Variants in MBD5 observed in about 807,000 individuals in gnomAD.
MBD5 encodes methyl-CpG-binding domain protein 5.
A neutral mutation model predicts 117.3 loss-of-function variants in MBD5; 13 were observed. That is an observed-to-expected ratio of 0.11 (90% CI 0.07 to 0.18). The LOEUF (loss-of-function observed/expected upper bound fraction) is 0.18, where lower values mean the gene tolerates loss of function less well. MBD5 is among the 10% of genes least tolerant of loss of function. The pLI, the probability that MBD5 is intolerant of heterozygous loss-of-function variation, is 1.00. For missense variants in MBD5, 1,879 were observed against 2,093.8 expected (o/e 0.90, Z 2.00); for synonymous variants, 727 against 766.4 (o/e 0.95, Z 0.85).
At chr2:148,470,722 G>C in intron 8 of MBD5, 1 of 494,468 alleles carries the variant, frequency 2.0e-6, no homozygotes, top group Non-Finnish European at 3.5e-6. Context: ...ACTTTCACTT[G>C]GTTTTATAAC....
At chr2:148,102,719 CACACACACACAGAG>C (rs1366503979) in intron 1 of MBD5, among the ~76,000 whole-genome samples, 2 of 86,632 alleles carry the variant, frequency 2.3e-5, no homozygotes, top group African/African-American at 8.2e-5. Flanking sequence ...CACACACACA[CACACACACACAGAG>C]AGAGAGAGAG....
At chr2:148,224,525 T>A (rs1699770032) in intron 2 of MBD5, among the ~76,000 whole-genome samples, 1 of 138,886 alleles carries the variant, frequency 7.2e-6, no homozygotes, top group African/African-American at 2.7e-5. Flanking sequence ...TTTTTTTTTT[T>A]TTTTTTTTTT....
chr2:148,305,721 G>A (rs1701875551), intron 3 of MBD5, among the ~76,000 whole-genome samples: 1 of 152,190 alleles, frequency 6.6e-6, no homozygotes. Flanking sequence ...TGGGAAAATG[G>A]CAGTTTTAGT....
intron 3 of MBD5, among the ~76,000 whole-genome samples, chr2:148,317,037 A>G (rs963319296): frequency 9.9e-5 from 15 of 152,280 alleles, no homozygotes; most frequent in Admixed American, 5.9e-4. Context: ...AACCATGCTA[A>G]AAAGGAGATT....
At chr2:148,314,870 T>C (rs115604056) in intron 3 of MBD5, among the ~76,000 whole-genome samples, 1,873 of 152,250 alleles carry the variant, frequency 0.012, 42 homozygotes, top group African/African-American at 0.042. Context: ...ATATGGTTAT[T>C]TTAGGGATGG....
chr2:148,245,845 T>C (rs556401726), intron 3 of MBD5, among the ~76,000 whole-genome samples: 1 of 152,300 alleles, frequency 6.6e-6, no homozygotes, highest in African/African-American at 2.4e-5. Context: ...CATGAGACAT[T>C]AAGTAAACTA....
chr2:148,250,704 GT>G (rs1574194230), intron 3 of MBD5, among the ~76,000 whole-genome samples: 1 of 152,178 alleles, frequency 6.6e-6, no homozygotes, highest in Admixed American at 6.5e-5. Context: ...TTATACTATG[GT>G]GGTGCATTCA....
intron 4 of MBD5, among the ~76,000 whole-genome samples, chr2:148,390,191 G>A (rs1273550306): frequency 2.0e-5 from 3 of 151,950 alleles, no homozygotes; most frequent in Non-Finnish European, 4.4e-5. Flanking sequence ...CTTCCCTGTT[G>A]CATATTTTTG....
At chr2:148,229,747 T>G (rs1699935618) in intron 2 of MBD5, among the ~76,000 whole-genome samples, 1 of 152,170 alleles carries the variant, frequency 6.6e-6, no homozygotes, top group South Asian at 2.1e-4. Context: ...CTATAGTTCT[T>G]ACAGACTCAT....
chr2:148,150,071 T>C (rs1697601735), intron 1 of MBD5, among the ~76,000 whole-genome samples: 1 of 111,672 alleles, frequency 9.0e-6, no homozygotes, highest in Non-Finnish European at 1.9e-5. Flanking sequence ...TTGATGGTTT[T>C]AGGTCTAACA....
intron 11 of MBD5, among the ~76,000 whole-genome samples, chr2:148,499,619 T>G (rs17357225): frequency 0.026 from 4,001 of 152,320 alleles, 82 homozygotes; most frequent in South Asian, 0.038. Context: ...AGTTGCTCCT[T>G]TAGTGTAAGT....
At chr2:148,056,010 T>C (rs1694852869) in intron 1 of MBD5, 1 of 152,214 alleles carries the variant, frequency 6.6e-6, no homozygotes. Context: ...CTAATTATTA[T>C]AATTTAATTT....
At chr2:148,089,984 T>G (rs775063853) in intron 1 of MBD5, among the ~76,000 whole-genome samples, 1 of 151,916 alleles carries the variant, frequency 6.6e-6, no homozygotes, top group Non-Finnish European at 1.5e-5. Context: ...ATAAGCTCAA[T>G]TAGAAACAAA....
At chr2:148,096,039 C>CT (rs1279542869) in intron 1 of MBD5, among the ~76,000 whole-genome samples, 2 of 152,166 alleles carry the variant, frequency 1.3e-5, no homozygotes, top group East Asian at 3.8e-4. Context: ...CATTTTTCCA[C>CT]TTTCTTTTTC....
intron 4 of MBD5, among the ~76,000 whole-genome samples, chr2:148,374,493 ATTATAG>A (rs1385350701): frequency 3.3e-5 from 5 of 152,196 alleles, no homozygotes; most frequent in Non-Finnish European, 7.3e-5. Context: ...ACTTCCATAA[ATTATAG>A]TTAGTTAGCA....
At chr2:148,378,214 T>G (rs1321592481) in intron 4 of MBD5, among the ~76,000 whole-genome samples, 1 of 152,178 alleles carries the variant, frequency 6.6e-6, no homozygotes, top group East Asian at 1.9e-4. Context: ...AATGGTTTTA[T>G]ATATTAATCC....
At chr2:148,085,906 A>G (rs1695769990) in intron 1 of MBD5, among the ~76,000 whole-genome samples, 1 of 152,182 alleles carries the variant, frequency 6.6e-6, no homozygotes, top group Non-Finnish European at 1.5e-5. Context: ...TTTATTTATA[A>G]GAAAATTTAC....
intron 4 of MBD5, chr2:148,447,552 T>C (rs529565634): frequency 4.9e-4 from 75 of 152,260 alleles, no homozygotes; most frequent in Middle Eastern, 3.4e-3. Context: ...TATCTCAAGG[T>C]ACTTTCTATT....
At chr2:148,334,804 A>T (rs1013560604) in intron 3 of MBD5, among the ~76,000 whole-genome samples, 16 of 152,112 alleles carry the variant, frequency 1.1e-4, no homozygotes, top group African/African-American at 3.6e-4. Flanking sequence ...GTTGGATTTG[A>T]GGCAAATATC....
Sources: gnomAD v4.1 joint callset for allele counts (sites outside exome capture counted in the v4.1 genomes callset) on GRCh38, gnomAD v4.1.1 for gene constraint, MANE v1.5 for transcripts, NCBI Gene and HGNC (gene_info 2026-07-23, HGNC 2026-07-21) for gene names.